Variants in ABLIM1 observed in about 807,000 individuals in gnomAD.
ABLIM1 encodes the protein actin-binding LIM protein 1.
Under a neutral mutation model 107.0 loss-of-function variants are expected in ABLIM1, and 40 were observed. That is an observed-to-expected ratio of 0.37 (90% CI 0.29 to 0.49). The LOEUF (loss-of-function observed/expected upper bound fraction) is 0.49, where lower values mean the gene tolerates loss of function less well. Ranked by LOEUF, ABLIM1 falls within the 20% of genes least tolerant of loss-of-function variation. The pLI, the probability that ABLIM1 is intolerant of heterozygous loss-of-function variation, is 0.97. For synonymous variants in ABLIM1, 357 were observed against 357.3 expected, an observed-to-expected ratio of 1.00 and a Z score of 0.01; for missense variants, 857 against 1,008.5, an observed-to-expected ratio of 0.85 and a Z score of 2.04.
At chr10:114,441,637 G>T in intron 18 of ABLIM1, 85 bp downstream of exon 18, 2 of 1,274,300 alleles carry the variant, frequency 1.6e-6, no homozygotes, top group Non-Finnish European at 1.1e-6. Context: ...TCAAGAGTCA[G>T]ACGTATTCAG....
chr10:114,777,269 T>A, the ABLIM1 span, among the ~76,000 whole-genome samples: 1 of 152,208 alleles, frequency 6.6e-6, no homozygotes, highest in Non-Finnish European at 1.5e-5. Flanking sequence ...CTAAAATGTG[T>A]TTTTGATTCT....
intron 1 of ABLIM1, among the ~76,000 whole-genome samples, chr10:114,644,557 C>T (rs73362046): frequency 0.024 from 3,668 of 151,810 alleles, 119 homozygotes; most frequent in African/African-American, 0.077. Context: ...CCTGCTCTAC[C>T]CATCTTGTGA....
rs986271957 is a variant in ABLIM1, at chr10:114,487,962, A to G, written c.1037T>C (p.Leu346Pro). The G allele has an allele frequency of 1.9e-6, 3 of 1,614,060 alleles. No individual in the cohort carries two copies. Among genetic ancestry groups the G allele is most frequent in the Admixed American group, 3.3e-5 (2 of 60,006 alleles). The change falls in exon 8 of 23, where the codon CTG becomes CCG. Residue 346 changes from leucine (L) to proline (P), a missense_variant. Coordinates refer to ENST00000533213, the MANE Select transcript of ABLIM1 (RefSeq NM_002313.7). Reference sequence around the variant, plus strand: ...ATGTTTTAATTGTGTCCTTACCCGCAGCTTTTCCTCGGTCTTCGTAGATTG... The same window carrying G: ...ATGTTTTAATTGTGTCCTTACCCGCGGCTTTTCCTCGGTCTTCGTAGATTG... Reference protein sequence around the residue: ...CKQSTKTEEKLRPTRTSSESI... With the variant: ...CKQSTKTEEKPRPTRTSSESI...
At chr10:114,518,249 T>C (rs937791561) in intron 6 of ABLIM1, among the ~76,000 whole-genome samples, 1 of 152,182 alleles carries the variant, frequency 6.6e-6, no homozygotes, top group Non-Finnish European at 1.5e-5. Flanking sequence ...TATTTGTAAG[T>C]ATCTGCATGC....
chr10:114,781,547 T>C, the ABLIM1 span, among the ~76,000 whole-genome samples: 3 of 97,324 alleles, frequency 3.1e-5, no homozygotes, highest in East Asian at 7.9e-4. Flanking sequence ...TATATATATC[T>C]ATATATGTGT....
intron 6 of ABLIM1, among the ~76,000 whole-genome samples, chr10:114,509,972 C>T (rs990837304): frequency 2.0e-5 from 3 of 152,168 alleles, no homozygotes; most frequent in African/African-American, 7.2e-5. Context: ...CAGGGGAACT[C>T]CCATTTATAA....
chr10:114,466,543 G>C (rs1160021063), intron 11 of ABLIM1, among the ~76,000 whole-genome samples: 1 of 152,162 alleles, frequency 6.6e-6, no homozygotes, highest in African/African-American at 2.4e-5. Flanking sequence ...CCTGTGTGTA[G>C]GCATGTAGTT....
At chr10:114,626,106 T>C (rs1284894990) in intron 1 of ABLIM1, among the ~76,000 whole-genome samples, 2 of 152,190 alleles carry the variant, frequency 1.3e-5, no homozygotes, top group African/African-American at 4.8e-5. Context: ...GTCATTTATT[T>C]GGGTTTTTGA....
chr10:114,618,408 T>G (rs987066961), intron 1 of ABLIM1, among the ~76,000 whole-genome samples: 2 of 152,186 alleles, frequency 1.3e-5, no homozygotes, highest in Non-Finnish European at 2.9e-5. Flanking sequence ...ACCAGATAAC[T>G]TATCAAACCT....
chr10:114,510,114 T>G (rs900202760), intron 6 of ABLIM1, among the ~76,000 whole-genome samples: 2 of 152,148 alleles, frequency 1.3e-5, no homozygotes, highest in African/African-American at 4.8e-5. Flanking sequence ...CAATTCAAGA[T>G]GAGATTTGGG....
At chr10:114,769,738 T>C (rs111301307), upstream of ABLIM1, among the ~76,000 whole-genome samples, 128 of 152,236 alleles carry the variant, frequency 8.4e-4, 1 homozygote, top group Non-Finnish European at 1.5e-3. Context: ...GATGGATAAT[T>C]GAGCATTGTT....
rs141549605 is a variant in ABLIM1, at chr10:114,560,483, T to C, written c.673+10814A>G. On this transcript the variant is annotated intron_variant, in intron 4 of 22. Coordinates refer to ENST00000533213, the MANE Select transcript of ABLIM1 (RefSeq NM_002313.7). ...CACAATACCTTACCCTTTCTATGTA[T>C]AGATATGTTTAGACACACAAACACT... Among the ~76,000 whole-genome samples the C allele has an allele frequency of 6.2e-3, 941 of 152,344 alleles. 6 individuals carry two copies. The highest frequency in any genetic ancestry group is 0.02 in the African/African-American group (845 of 41,578).
intron 1 of ABLIM1, among the ~76,000 whole-genome samples, chr10:114,622,029 T>TGGCC (rs986781001): frequency 2.6e-5 from 4 of 152,192 alleles, no homozygotes; most frequent in African/African-American, 9.6e-5. Flanking sequence ...TGCTCCTTGA[T>TGGCC]GGCCATTCAG....
chr10:114,717,653 G>A (rs1266254479), intron 1 of ABLIM1, among the ~76,000 whole-genome samples: 9 of 152,100 alleles, frequency 5.9e-5, no homozygotes, highest in Admixed American at 4.6e-4. Context: ...AGTGGCTCAT[G>A]CCTGTAATCC....
intron 1 of ABLIM1, among the ~76,000 whole-genome samples, chr10:114,670,872 T>A (rs1249807944): frequency 6.6e-6 from 1 of 152,252 alleles, no homozygotes; most frequent in Non-Finnish European, 1.5e-5. Flanking sequence ...TTTGCTTTTT[T>A]GAAACTTTCC....
At chr10:114,761,737 A>G (rs2082751115) in intron 1 of ABLIM1, among the ~76,000 whole-genome samples, 1 of 152,046 alleles carries the variant, frequency 6.6e-6, no homozygotes, top group Admixed American at 6.5e-5. Flanking sequence ...CTCTCCCTGA[A>G]AAATATGTCA....
At chr10:114,601,632 A>G (rs2076012269) in intron 2 of ABLIM1, 195 bp downstream of exon 2, 2 of 860,510 alleles carry the variant, frequency 2.3e-6, no homozygotes, top group South Asian at 2.8e-5. Context: ...AGGCCCACGA[A>G]TCACTGGTTT....
chr10:114,610,475 G>A (rs556792445), intron 1 of ABLIM1, among the ~76,000 whole-genome samples: 1 of 152,138 alleles, frequency 6.6e-6, no homozygotes, highest in Non-Finnish European at 1.5e-5. Flanking sequence ...TACCCCATTG[G>A]TTCCTACTGA....
At position 114,726,353 on chromosome 10, in the gene ABLIM1, C is replaced by T. The variant is rs1591894878; in HGVS notation, c.-213+41708G>A. ...TAAAGAAAAAATATTAGTTGGCCCA[C>T]GGTTCTACAGGCTATACAGGAAGCA... On this transcript the variant is annotated intron_variant, in intron 1 of 15. Transcript: ENST00000651092. Among the ~76,000 whole-genome samples the T allele has an allele frequency of 2.0e-5, 3 of 152,204 alleles. No individual in the cohort carries two copies. The East Asian group carries it at 5.8e-4, about 29-fold the overall frequency.
Sources: gnomAD v4.1 joint callset for allele counts (sites outside exome capture counted in the v4.1 genomes callset) on GRCh38, gnomAD v4.1.1 for gene constraint, MANE v1.5 for transcripts, NCBI Gene and HGNC (gene_info 2026-07-23, HGNC 2026-07-21) for gene names.